ERO1A: variants seen among roughly 807,000 people sequenced by gnomAD.
ERO1A encodes endoplasmic reticulum oxidoreductase 1 alpha, also known as ERO1-like protein alpha.
Under a neutral mutation model 76.9 loss-of-function variants are expected in ERO1A, and 49 were observed. That is an observed-to-expected ratio of 0.64 (90% CI 0.51 to 0.81). The LOEUF (loss-of-function observed/expected upper bound fraction) is 0.81, where lower values mean the gene tolerates loss of function less well. ERO1A is among the 30% of genes least tolerant of loss of function. The pLI, the probability that ERO1A is intolerant of heterozygous loss-of-function variation, is 0.00. For missense variants in ERO1A, 448 were observed against 542.1 expected (o/e 0.83, Z 1.72); for synonymous variants, 174 against 181.2 (o/e 0.96, Z 0.32).
chr14:52,661,373 T>C (rs889567662), intron 8 of ERO1A, 69 bp from the exon 9 acceptor site: 32 of 1,282,412 alleles, frequency 2.5e-5, no homozygotes, highest in Non-Finnish European at 3.3e-5. Flanking sequence ...TGCTACACTT[T>C]CATAAAAATA....
In ERO1A at chr14:52,642,682, T is replaced by C. The variant is rs1450175678; in HGVS notation, c.*888A>G. ...GAGAAAGCATGAAAGATAAAGCACG[T>C]ATGAACAATTAGTGAATCTGGGTAA... On this transcript the variant is annotated 3_prime_UTR_variant, in exon 16 of 16. Transcript: ENST00000395686. 1.3e-5 allele frequency: 2 copies of C among 152,544 alleles called. No individual in the cohort carries two copies. Among genetic ancestry groups the C allele is most frequent in the African/African-American group, 4.8e-5 (2 of 41,438 alleles). The allele number at this position is 152,544 out of a possible 1,614,324, so 9.4% of individuals were successfully genotyped here.
chr14:52,680,621 G>C (rs1201878638), intron 3 of ERO1A, among the ~76,000 whole-genome samples: 2 of 152,062 alleles, frequency 1.3e-5, no homozygotes, highest in Non-Finnish European at 2.9e-5. Flanking sequence ...ATATAATTAG[G>C]ATATTGGTAA....
chr14:52,688,459 T>G (rs1199740451), intron 1 of ERO1A, among the ~76,000 whole-genome samples: 1 of 152,334 alleles, frequency 6.6e-6, no homozygotes, highest in East Asian at 1.9e-4. Context: ...AAAATAGTAA[T>G]AGTTCTCATC....
At chr14:52,661,395 A>G in intron 8 of ERO1A, 91 bp from the exon 9 acceptor site, 1 of 1,079,000 alleles carries the variant, frequency 9.3e-7, no homozygotes, top group Non-Finnish European at 1.3e-6. Context: ...GACTTTAATA[A>G]TGGTTAGTTT....
At chr14:52,657,651 T>C (rs2040095016) in intron 11 of ERO1A, among the ~76,000 whole-genome samples, 1 of 152,204 alleles carries the variant, frequency 6.6e-6, no homozygotes, top group Non-Finnish European at 1.5e-5. Flanking sequence ...CTATTTAAAT[T>C]CCCACAAGAA....
At chr14:52,687,414 G>C (rs1275733678) in intron 1 of ERO1A, among the ~76,000 whole-genome samples, 1 of 152,190 alleles carries the variant, frequency 6.6e-6, no homozygotes, top group Non-Finnish European at 1.5e-5. Context: ...TGGGCAATGG[G>C]AGTGAGACCC....
chr14:52,669,704 G>C (rs762887717), intron 6 of ERO1A, among the ~76,000 whole-genome samples: 1 of 144,894 alleles, frequency 6.9e-6, no homozygotes, highest in South Asian at 2.2e-4. Flanking sequence ...GCTAAACGCA[G>C]GGGGAGAAAT....
chr14:52,651,811 T>C (rs1024520696), intron 13 of ERO1A, among the ~76,000 whole-genome samples: 8 of 152,140 alleles, frequency 5.3e-5, no homozygotes, highest in Admixed American at 5.2e-4. Context: ...AACCTTAAAA[T>C]CTACACTTTT....
rs2039494581 is a variant in ERO1A at position 52,642,089 on chromosome 14, T to C, written c.*1481A>G. ...GTAAAGAGGGCACGATTTTGAGGTA[T>C]ATAGCTTCTTTTTCTCTACAATTAC... On this transcript the variant is annotated 3_prime_UTR_variant, in exon 16 of 16. Coordinates refer to ENST00000395686, the MANE Select transcript of ERO1A (RefSeq NM_014584.3). 1 of 152,246 alleles carries C rather than the reference T, an allele frequency of 6.6e-6. No homozygotes were observed. Among genetic ancestry groups the C allele is most frequent in the Non-Finnish European group, 1.5e-5 (1 of 68,040 alleles). 9.4% of individuals were successfully genotyped at this position (152,246 alleles called of 1,614,324 possible). A position where few individuals can be genotyped will look rare whatever the true frequency, so the allele number is the denominator to read the frequency against.
At position 52,642,117 on chromosome 14, in the gene ERO1A, T is replaced by A. The variant is rs915088131; in HGVS notation, c.*1453A>T. On this transcript the variant is annotated 3_prime_UTR_variant, in exon 16 of 16. Coordinates refer to ENST00000395686, the MANE Select transcript of ERO1A (RefSeq NM_014584.3). ...AGCTTCTTTTTCTCTACAATTACCA[T>A]GTGATATAAATTCCTAAACCCCTTC... 11 of 152,180 alleles carry A rather than the reference T, an allele frequency of 7.2e-5. No homozygotes were observed. Among genetic ancestry groups the A allele is most frequent in the Non-Finnish European group, 1.2e-4 (8 of 68,044 alleles). The allele number at this position is 152,180 out of a possible 1,614,324, so 9.4% of individuals were successfully genotyped here.
intron 11 of ERO1A, among the ~76,000 whole-genome samples, chr14:52,657,209 T>C (rs188221975): frequency 1.1e-3 from 163 of 152,296 alleles, no homozygotes; most frequent in East Asian, 1.7e-3. Flanking sequence ...AAGTGGACTA[T>C]AAATATGGCT....
At chr14:52,690,774 T>A (rs1308362380) in intron 1 of ERO1A, among the ~76,000 whole-genome samples, 1 of 152,234 alleles carries the variant, frequency 6.6e-6, no homozygotes, top group Non-Finnish European at 1.5e-5. Flanking sequence ...TATGCATTTC[T>A]TTTTTCTTCT....
At chr14:52,657,795 T>C in intron 11 of ERO1A, 122 bp downstream of exon 11, 1 of 629,720 alleles carries the variant, frequency 1.6e-6, no homozygotes, top group Non-Finnish European at 2.8e-6. Context: ...CATTTAAGAG[T>C]GAATTTTTAC....
chr14:52,672,648 T>C (rs1397860951), intron 4 of ERO1A, among the ~76,000 whole-genome samples: 4 of 151,882 alleles, frequency 2.6e-5, no homozygotes, highest in Non-Finnish European at 1.5e-5. Context: ...CATGTGCCTA[T>C]AATACTAGCT....
At chr14:52,647,023 C>T (rs2039687011) in intron 13 of ERO1A, 1 of 122,504 alleles carries the variant, frequency 8.2e-6, no homozygotes, top group Non-Finnish European at 1.6e-5. Flanking sequence ...GTCACCCAAG[C>T]TGGAGTGCAG....
In ERO1A at chr14:52,695,416, G is replaced by GT. The variant is rs761647268; in HGVS notation, c.65dup (p.His22GlnfsTer19). On this transcript the variant is annotated frameshift_variant, in exon 1 of 16. Coordinates refer to ENST00000395686, the MANE Select transcript of ERO1A (RefSeq NM_014584.3). LOFTEE classifies it high-confidence loss of function. The stretch of plus-strand genomic sequence containing the variant: ...CTGTCTCCGGGGGCTGCTCCTCTCC[G>GT]TGGCCCGAGCTGAGCAGCCACACGG... The GT allele has an allele frequency of 1.1e-5, 17 of 1,550,860 alleles. No individual in the cohort carries two copies. The Admixed American group carries it at 2.1e-4, about 19-fold the overall frequency.
At chr14:52,669,310 G>C (rs2040518695) in intron 6 of ERO1A, among the ~76,000 whole-genome samples, 1 of 151,738 alleles carries the variant, frequency 6.6e-6, no homozygotes, top group Non-Finnish European at 1.5e-5. Context: ...TGTTAATTAA[G>C]GTTAAAATAT....
intron 13 of ERO1A, among the ~76,000 whole-genome samples, chr14:52,648,632 ACT>A (rs145600547): frequency 0.027 from 4,102 of 152,298 alleles, 73 homozygotes; most frequent in South Asian, 0.043. Flanking sequence ...TACTAAAAAT[ACT>A]CTGTCATGAG....
intron 6 of ERO1A, among the ~76,000 whole-genome samples, chr14:52,668,369 A>T (rs1209341899): frequency 6.6e-6 from 1 of 152,044 alleles, no homozygotes; most frequent in African/African-American, 2.4e-5. Flanking sequence ...AACATGGAGA[A>T]ACCCCATCTC....
Sources: gnomAD v4.1 joint callset for allele counts (sites outside exome capture counted in the v4.1 genomes callset) on GRCh38, gnomAD v4.1.1 for gene constraint, MANE v1.5 for transcripts, NCBI Gene and HGNC (gene_info 2026-07-23, HGNC 2026-07-21) for gene names.